Variants in LATS2 observed in about 807,000 individuals in gnomAD.
LATS2 encodes serine/threonine-protein kinase LATS2.
In LATS2, 24 loss-of-function variants were observed where a neutral mutation model predicts 76.0. The ratio of observed to expected loss-of-function variants is 0.32; its 90% confidence interval spans 0.23 to 0.44. The LOEUF is 0.44. Among genes scored for constraint, LATS2 ranks in the 20% least tolerant of loss-of-function variants. The pLI is 1.00. For synonymous variants in LATS2, 692 were observed against 635.4 expected, an observed-to-expected ratio of 1.09 and a Z score of -1.34; for missense variants, 1,286 against 1,481.2, an observed-to-expected ratio of 0.87 and a Z score of 2.16.
intron 2 of LATS2, among the ~76,000 whole-genome samples, chr13:21,027,685 T>C (rs1374499028): frequency 6.6e-6 from 1 of 152,220 alleles, no homozygotes; most frequent in Non-Finnish European, 1.5e-5. Context: ...GAAAGTAAGG[T>C]AGTTTAAGGA....
chr13:21,001,093 T>G (rs558918989), intron 2 of LATS2, among the ~76,000 whole-genome samples: 21 of 152,348 alleles, frequency 1.4e-4, no homozygotes, highest in Admixed American at 3.9e-4. Context: ...ATCACAGTTG[T>G]GTCCAATAAA....
At chr13:21,033,226 C>G (rs1218589668) in intron 2 of LATS2, among the ~76,000 whole-genome samples, 2 of 151,554 alleles carry the variant, frequency 1.3e-5, no homozygotes, top group African/African-American at 4.9e-5. Flanking sequence ...CTTTGTTAGA[C>G]CAGACCTGGT....
At chr13:20,977,760 T>TAATTTACCATTAAAATAATTAG (rs1284083887) in intron 7 of LATS2, among the ~76,000 whole-genome samples, 117 of 152,282 alleles carry the variant, frequency 7.7e-4, no homozygotes, top group East Asian at 2.7e-3. Flanking sequence ...TGGTAAATTT[T>TAATTTACCATTAAAATAATTAG]ATGTTATGTA....
At chr13:21,061,013 C>CCGCCCCGGT (rs1276664320) in intron 1 of LATS2, among the ~76,000 whole-genome samples, 1 of 148,048 alleles carries the variant, frequency 6.8e-6, no homozygotes, top group Non-Finnish European at 1.5e-5. Context: ...GGGATCCCGG[C>CCGCCCCGGT]CGCCCCGGTC....
chr13:20,995,919 G>A (rs548018255), intron 2 of LATS2, among the ~76,000 whole-genome samples: 5 of 152,180 alleles, frequency 3.3e-5, no homozygotes, highest in Non-Finnish European at 7.3e-5. Context: ...TGATGACTTT[G>A]TGTCAGTCAC....
chr13:21,039,942 G>A (rs1490365365), intron 2 of LATS2, among the ~76,000 whole-genome samples: 30 of 152,190 alleles, frequency 2.0e-4, no homozygotes, highest in Admixed American at 1.5e-3. Context: ...GCGTGGTGGC[G>A]CATGCCTGTA....
At chr13:21,007,722 A>T (rs1442767862) in intron 2 of LATS2, among the ~76,000 whole-genome samples, 1 of 5,206 alleles carries the variant, frequency 1.9e-4, no homozygotes, top group Non-Finnish European at 3.1e-4. Context: ...ATATATATAT[A>T]GTATATATAT....
intron 2 of LATS2, among the ~76,000 whole-genome samples, chr13:21,013,668 TTAAAAA>T (rs1210015513): frequency 1.3e-5 from 2 of 152,130 alleles, no homozygotes; most frequent in East Asian, 3.9e-4. Flanking sequence ...TACAGATCAC[TTAAAAA>T]TAAAATAAGG....
intron 2 of LATS2, among the ~76,000 whole-genome samples, chr13:21,032,384 G>C (rs905961813): frequency 3.9e-5 from 6 of 152,086 alleles, no homozygotes; most frequent in Admixed American, 6.5e-5. Context: ...TCTCCTGCCT[G>C]AGCCTCCTGA....
intron 1 of LATS2, among the ~76,000 whole-genome samples, chr13:21,050,912 A>G (rs917641284): frequency 2.0e-5 from 3 of 152,248 alleles, no homozygotes; most frequent in Non-Finnish European, 2.9e-5. Flanking sequence ...TGGCCCACGC[A>G]TAGACATGCC....
chr13:20,981,619 G>T lies in LATS2; in HGVS notation c.2512C>A (p.Pro838Thr). ...GSHVRQDSME[P>T]SDLWDDVSNC... ...GACACATCATCCCAGAGGTCGCTGG[G>T]CTCCATGCTGTCCTGTCTGACATGG... is the stretch of plus-strand genomic sequence containing the variant. Residue 838 changes from proline (P) to threonine (T), a missense_variant, in exon 6 of 8, where the codon CCC (proline) becomes ACC (threonine). By Grantham distance (38) the Pro-to-Thr change is conservative. Transcript: ENST00000382592. 1 of 1,613,796 alleles carries T rather than the reference G, an allele frequency of 6.2e-7. No homozygotes were observed.
chr13:21,035,756 G>C (rs1416961921), intron 2 of LATS2, among the ~76,000 whole-genome samples: 2 of 152,222 alleles, frequency 1.3e-5, no homozygotes. Context: ...GCTCGCAGTG[G>C]AGGGACCCAG....
chr13:20,986,637 T>C (rs978480894), intron 4 of LATS2, among the ~76,000 whole-genome samples: 1 of 151,976 alleles, frequency 6.6e-6, no homozygotes, highest in Non-Finnish European at 1.5e-5. Context: ...TGTGTGTGTG[T>C]TGAGGGGAGA....
At chr13:21,034,951 C>A (rs990003296) in intron 2 of LATS2, among the ~76,000 whole-genome samples, 1 of 152,146 alleles carries the variant, frequency 6.6e-6, no homozygotes, top group African/African-American at 2.4e-5. Context: ...TAAGATGGGG[C>A]TGAGCACAGT....
At chr13:21,032,463 C>T (rs1222734564) in intron 2 of LATS2, among the ~76,000 whole-genome samples, 2 of 152,154 alleles carry the variant, frequency 1.3e-5, no homozygotes, top group East Asian at 1.9e-4. Flanking sequence ...GACGGGTTTT[C>T]GCCATGTTGG....
In LATS2 at chr13:21,045,928, C is replaced by A; in HGVS notation, c.99G>T (p.Ser33=). The A allele has an allele frequency of 6.2e-7, 1 of 1,614,154 alleles. No individual in the cohort carries two copies. The highest frequency in any genetic ancestry group is 1.6e-4 in the Middle Eastern group (1 of 6,062). The change falls in exon 2 of 8, where the codon TCG becomes TCT. Residue 33 remains serine, a synonymous_variant. Coordinates refer to ENST00000382592, the MANE Select transcript of LATS2 (RefSeq NM_014572.3). Reference sequence around the variant, plus strand: ...TTGGTCCTGCGGGTAGCCCCTGAACCGAAGACTTGGATGGCTGTTTTAACC... The same window carrying A: ...TTGGTCCTGCGGGTAGCCCCTGAACAGAAGACTTGGATGGCTGTTTTAACC... ...REGLKQPSKS[S]VQGLPAGPNS... is the part of the protein sequence containing the mutation.
intron 3 of LATS2, among the ~76,000 whole-genome samples, chr13:20,989,757 C>T (rs1440296983): frequency 6.6e-6 from 1 of 152,226 alleles, no homozygotes; most frequent in Non-Finnish European, 1.5e-5. Flanking sequence ...AGAACTGTAT[C>T]CACTGTGCAG....
intron 1 of LATS2, among the ~76,000 whole-genome samples, chr13:21,061,011 G>T (rs1260664340): frequency 1.4e-5 from 2 of 147,322 alleles, no homozygotes; most frequent in African/African-American, 5.3e-5. Context: ...CCGGGATCCC[G>T]GCCGCCCCGG....
In LATS2 at chr13:21,049,172, G is replaced by A. The variant is rs577042431; in HGVS notation, c.-204-2942C>T. Among the ~76,000 whole-genome samples the A allele has an allele frequency of 7.9e-4, 120 of 152,292 alleles. 2 individuals carry two copies. In the South Asian group the frequency reaches 0.015, roughly 19 times the overall value. ...GAGACATAGGAGGTCAAAGGACTCG[G>A]GGGTAGTGGGGGTGTCTCGTGGGAT... On this transcript the variant is annotated intron_variant, in intron 1 of 7. Transcript: ENST00000382592.
Sources: allele counts gnomAD v4.1 joint callset (sites outside exome capture counted in the v4.1 genomes callset), GRCh38; gene constraint gnomAD v4.1.1; transcripts MANE v1.5; gene names NCBI Gene and HGNC (gene_info 2026-07-23, HGNC 2026-07-21).